ACOXL: variants seen among roughly 807,000 people sequenced by gnomAD.
ACOXL encodes the protein acyl-CoA oxidase like, also known as acyl-coenzyme A oxidase-like protein.
In ACOXL, 70 loss-of-function variants were observed where a neutral mutation model predicts 71.9. The observed-to-expected ratio is 0.97, with a 90% CI of 0.80 to 1.19. The LOEUF is 1.19. Among genes scored for constraint, ACOXL ranks in the 50% most tolerant of loss-of-function variants. The pLI is 0.00. For synonymous variants in ACOXL, 253 were observed against 281.6 expected (o/e 0.90, Z 1.02); for missense variants, 703 against 736.3 (o/e 0.95, Z 0.52).
chr2:110,830,023 C>G (rs185134357), intron 9 of ACOXL, among the ~76,000 whole-genome samples: 6 of 152,250 alleles, frequency 3.9e-5, no homozygotes, highest in African/African-American at 1.4e-4. Context: ...ATGTTTCAGG[C>G]TGGTAAAGAC....
chr2:110,784,896 C>T lies in ACOXL; in HGVS notation c.159+81C>T, dbSNP rs1351026336. The T allele has an allele frequency of 3.0e-6, 4 of 1,321,988 alleles. No individual in the cohort carries two copies. The African/African-American group carries it at 6.0e-5, about 20-fold the overall frequency. 81.9% of individuals were successfully genotyped at this position (1,321,988 alleles called of 1,614,324 possible). On this transcript the variant is annotated intron_variant, in intron 3 of 17. Transcript: ENST00000439055. The stretch of plus-strand genomic sequence containing the variant: ...GGAATGAAAACTATAACCCCGTGAG[C>T]TCTCTCAGTCTATGTAGTGGCACAG...
intron 14 of ACOXL, among the ~76,000 whole-genome samples, chr2:111,009,775 G>T (rs1319502801): frequency 6.6e-6 from 1 of 152,134 alleles, no homozygotes; most frequent in Admixed American, 6.5e-5. Flanking sequence ...ACAGGAGTCA[G>T]AATTTTTAGT....
intron 17 of ACOXL, among the ~76,000 whole-genome samples, chr2:111,094,881 G>A (rs1270231770): frequency 6.6e-6 from 1 of 152,136 alleles, no homozygotes; most frequent in East Asian, 1.9e-4. Context: ...ACGGGTAATT[G>A]TCTCCTTCCA....
intron 10 of ACOXL, among the ~76,000 whole-genome samples, chr2:110,860,176 T>C (rs577789256): frequency 1.3e-5 from 2 of 152,304 alleles, no homozygotes; most frequent in East Asian, 1.9e-4. Flanking sequence ...AATGGTGCCA[T>C]CTCAGCTCAC....
At chr2:110,749,460 T>A (rs1210965385) in intron 1 of ACOXL, among the ~76,000 whole-genome samples, 1 of 152,194 alleles carries the variant, frequency 6.6e-6, no homozygotes, top group East Asian at 1.9e-4. Context: ...ACAGGGTGGC[T>A]CACGCCTGTA....
chr2:111,072,075 A>G (rs985081253), intron 16 of ACOXL, among the ~76,000 whole-genome samples: 1 of 152,258 alleles, frequency 6.6e-6, no homozygotes, highest in African/African-American at 2.4e-5. Context: ...ACAAGGTTTC[A>G]GTACATAGAC....
intron 9 of ACOXL, among the ~76,000 whole-genome samples, 184 bp from the exon 10 acceptor site, chr2:110,841,187 T>C (rs1259208169): frequency 6.6e-6 from 1 of 152,198 alleles, no homozygotes; most frequent in Non-Finnish European, 1.5e-5. Context: ...AAATACAAAT[T>C]ATCTGTAAGA....
chr2:110,952,222 T>G (rs1453700518), intron 12 of ACOXL, among the ~76,000 whole-genome samples: 1 of 152,204 alleles, frequency 6.6e-6, no homozygotes, highest in Non-Finnish European at 1.5e-5. Flanking sequence ...ATTTTCCTAG[T>G]AATTTGTTCA....
At chr2:111,004,655 GA>G (rs1273358268) in intron 14 of ACOXL, among the ~76,000 whole-genome samples, 1 of 152,020 alleles carries the variant, frequency 6.6e-6, no homozygotes, top group Non-Finnish European at 1.5e-5. Context: ...TCAGTGGGAA[GA>G]AAAAATAAAC....
intron 10 of ACOXL, among the ~76,000 whole-genome samples, chr2:110,845,027 A>G (rs1390644675): frequency 6.6e-6 from 1 of 152,238 alleles, no homozygotes; most frequent in African/African-American, 2.4e-5. Flanking sequence ...CTGTGTGGTG[A>G]AATATGCCTA....
At chr2:111,001,781 C>T (rs1017181499) in intron 14 of ACOXL, among the ~76,000 whole-genome samples, 1 of 152,132 alleles carries the variant, frequency 6.6e-6, no homozygotes, top group Non-Finnish European at 1.5e-5. Flanking sequence ...CTTATTTGCA[C>T]CTAGACTGAA....
intron 9 of ACOXL, among the ~76,000 whole-genome samples, chr2:110,840,123 C>T (rs1969233): frequency 0.64 from 97,818 of 151,816 alleles, 32,141 homozygotes; most frequent in South Asian, 0.78. Context: ...CCTGAGTAGC[C>T]GGGATTACAG....
At chr2:110,734,430 T>C (rs1289977155) in intron 1 of ACOXL, among the ~76,000 whole-genome samples, 1 of 152,024 alleles carries the variant, frequency 6.6e-6, no homozygotes, top group Non-Finnish European at 1.5e-5. Flanking sequence ...CCACCACGCC[T>C]GGCTAATTTT....
intron 2 of ACOXL, among the ~76,000 whole-genome samples, chr2:110,775,292 G>A (rs1426153412): frequency 1.3e-5 from 2 of 151,904 alleles, no homozygotes; most frequent in Non-Finnish European, 2.9e-5. Context: ...CAAAAACACA[G>A]GCTTTTGAAA....
chr2:110,955,633 C>T (rs1288733458), intron 12 of ACOXL, among the ~76,000 whole-genome samples: 2 of 152,106 alleles, frequency 1.3e-5, no homozygotes, highest in Non-Finnish European at 1.5e-5. Flanking sequence ...CCTGTCTGCC[C>T]CCAAAGGCTT....
intron 11 of ACOXL, among the ~76,000 whole-genome samples, chr2:110,910,126 G>T (rs11887427): frequency 6.6e-6 from 1 of 151,948 alleles, no homozygotes; most frequent in Non-Finnish European, 1.5e-5. Context: ...GTTCCCTCTG[G>T]CCCCTTTGCA....
Position 110,854,835 on chromosome 2 carries a change from A to G in ACOXL, c.788+13430A>G, listed in dbSNP as rs549089828. ...GCCCCTGTCCTCTGGCATGGGGTCA[A>G]GGATGCAGAGATTACTGCTCTGCTC... On this transcript the variant is annotated intron_variant, in intron 10 of 17. Coordinates refer to ENST00000439055, the MANE Select transcript of ACOXL (RefSeq NM_001142807.4). Among the ~76,000 whole-genome samples, 31 of 152,330 alleles carry G rather than the reference A, an allele frequency of 2.0e-4. No individual in the cohort carries two copies. In the South Asian group the frequency reaches 3.9e-3, roughly 19 times the overall value.
At chr2:110,962,019 G>A (rs2061717161) in intron 12 of ACOXL, among the ~76,000 whole-genome samples, 2 of 152,212 alleles carry the variant, frequency 1.3e-5, no homozygotes, top group Non-Finnish European at 2.9e-5. Context: ...ATATCAGGTG[G>A]TATATTTAGT....
chr2:110,831,931 G>A (rs924864121), intron 9 of ACOXL, among the ~76,000 whole-genome samples: 2 of 151,894 alleles, frequency 1.3e-5, no homozygotes, highest in African/African-American at 4.8e-5. Context: ...GACTCAAAAG[G>A]GGTCACAGAC....
Sources: gnomAD v4.1 joint callset for allele counts (sites outside exome capture counted in the v4.1 genomes callset) on GRCh38, gnomAD v4.1.1 for gene constraint, MANE v1.5 for transcripts, NCBI Gene and HGNC (gene_info 2026-07-23, HGNC 2026-07-21) for gene names.